The following LARGE1 variants were observed in gnomAD, a reference collection of about 807,000 sequenced individuals.
LARGE1 encodes the protein LARGE xylosyl- and glucuronyltransferase 1.
LARGE1 carries 43 observed loss-of-function variants against 87.6 expected under a neutral mutation model. The ratio of observed to expected loss-of-function variants is 0.49; its 90% CI spans 0.38 to 0.63. The LOEUF is 0.63. LARGE1 is among the 30% of genes least tolerant of loss of function. The pLI is 0.00. For synonymous variants in LARGE1, 434 were observed against 394.6 expected (o/e 1.10, Z -1.18); for missense variants, 802 against 1,000.2 (o/e 0.80, Z 2.67).
intron 6 of LARGE1, among the ~76,000 whole-genome samples, chr22:33,536,829 G>C (rs746924776): frequency 7.2e-5 from 11 of 152,146 alleles, no homozygotes; most frequent in Non-Finnish European, 1.3e-4. Flanking sequence ...CTTATTTTTT[G>C]AGACAGAGTT....
At chr22:33,693,006 T>C (rs1307125672) in intron 2 of LARGE1, among the ~76,000 whole-genome samples, 1 of 152,132 alleles carries the variant, frequency 6.6e-6, no homozygotes, top group African/African-American at 2.4e-5. Context: ...TAAATGTCCA[T>C]CATCAGTAGA....
chr22:33,907,215 C>T (rs990207230), intron 1 of LARGE1, among the ~76,000 whole-genome samples: 2 of 152,156 alleles, frequency 1.3e-5, no homozygotes, highest in African/African-American at 4.8e-5. Context: ...ATTTGCTAAG[C>T]AAACCTATTC....
intron 1 of LARGE1, among the ~76,000 whole-genome samples, chr22:33,777,033 C>T (rs188979425): frequency 4.6e-5 from 7 of 152,138 alleles, no homozygotes. Flanking sequence ...CAAACATGAA[C>T]ATAAGTTGGG....
chr22:33,617,905 G>C (rs141259445), intron 4 of LARGE1, among the ~76,000 whole-genome samples: 7 of 152,240 alleles, frequency 4.6e-5, no homozygotes, highest in African/African-American at 1.4e-4. Flanking sequence ...AAGAGGCAAA[G>C]ATGATTAAGC....
chr22:33,086,135 G>C, the LARGE1 span, among the ~76,000 whole-genome samples: 43 of 152,190 alleles, frequency 2.8e-4, no homozygotes, highest in African/African-American at 8.7e-4. Flanking sequence ...ATAGTACTTA[G>C]TGAAATGAAG....
At chr22:33,838,818 C>A (rs1378443741) in intron 1 of LARGE1, among the ~76,000 whole-genome samples, 1 of 152,090 alleles carries the variant, frequency 6.6e-6, no homozygotes, top group Admixed American at 6.5e-5. Flanking sequence ...CTGATTGTGT[C>A]TGCAGAATTA....
the LARGE1 span, among the ~76,000 whole-genome samples, chr22:33,135,243 G>A: frequency 1.3e-5 from 2 of 152,142 alleles, no homozygotes; most frequent in African/African-American, 4.8e-5. Context: ...GTAAGGCTGG[G>A]TTGGATGAGA....
chr22:33,502,751 T>C (rs2070530950), intron 6 of LARGE1, among the ~76,000 whole-genome samples: 1 of 152,086 alleles, frequency 6.6e-6, no homozygotes. Flanking sequence ...GTGTTTTTAG[T>C]AGAGACAAGG....
chr22:33,840,422 T>C (rs928235728), intron 1 of LARGE1, among the ~76,000 whole-genome samples: 1 of 152,218 alleles, frequency 6.6e-6, no homozygotes, highest in African/African-American at 2.4e-5. Flanking sequence ...CAACTCACTT[T>C]GGCAAAATAC....
intron 2 of LARGE1, among the ~76,000 whole-genome samples, chr22:33,698,374 C>T (rs978726179): frequency 1.3e-5 from 2 of 150,102 alleles, no homozygotes; most frequent in Non-Finnish European, 2.9e-5. Flanking sequence ...GATCTCTGCT[C>T]ACTGCAACCT....
chr22:33,364,350 T>C (rs113354542), intron 9 of LARGE1, among the ~76,000 whole-genome samples: 11,507 of 152,108 alleles, frequency 0.076, 511 homozygotes, highest in South Asian at 0.14. Flanking sequence ...AGCCACTGTG[T>C]CCGGCCTATT....
chr22:33,431,315 G>A (rs2067072739), intron 7 of LARGE1, among the ~76,000 whole-genome samples: 1 of 152,204 alleles, frequency 6.6e-6, no homozygotes, highest in South Asian at 2.1e-4. Context: ...GGGACAGCTG[G>A]TGAACAAGAA....
intron 7 of LARGE1, among the ~76,000 whole-genome samples, chr22:33,408,025 G>T (rs2066164743): frequency 6.7e-6 from 1 of 149,170 alleles, no homozygotes; most frequent in African/African-American, 2.5e-5. Flanking sequence ...CTGTCGCCCA[G>T]GCTGGAGTGC....
intron 11 of LARGE1, among the ~76,000 whole-genome samples, chr22:33,315,651 A>G (rs1036233855): frequency 6.6e-6 from 1 of 151,666 alleles, no homozygotes; most frequent in Non-Finnish European, 1.5e-5. Flanking sequence ...TTTTTTAAAG[A>G]TGGAGCCGTG....
intron 5 of LARGE1, among the ~76,000 whole-genome samples, chr22:33,591,081 A>G (rs1241013291): frequency 6.6e-6 from 1 of 152,170 alleles, no homozygotes; most frequent in Non-Finnish European, 1.5e-5. Flanking sequence ...GGTGCCTGTA[A>G]TTCCAGCTAT....
In LARGE1 at chr22:33,902,458, G is replaced by A. The variant is rs369330157; in HGVS notation, c.-83+17537C>T. The stretch of plus-strand genomic sequence containing the variant: ...AAGGACAATGCTACAATTCCAACAC[G>A]GCAGCACTGAGCCTAGGGAGGTGAA... On this transcript the variant is annotated intron_variant, in intron 1 of 14. Coordinates refer to ENST00000397394, the MANE Select transcript of LARGE1 (RefSeq NM_133642.5). Among the ~76,000 whole-genome samples, 96 of 152,240 alleles carry A rather than the reference G, an allele frequency of 6.3e-4. 3 individuals carry two copies. In the South Asian group the frequency reaches 7.9e-3, roughly 12 times the overall value.
At chr22:33,159,946 A>AC (rs970084001), downstream of LARGE1, among the ~76,000 whole-genome samples, 7 of 151,448 alleles carry the variant, frequency 4.6e-5, no homozygotes, top group South Asian at 8.4e-4. Context: ...AAAAAAAAAA[A>AC]AACACTCAAA....
intron 6 of LARGE1, among the ~76,000 whole-genome samples, chr22:33,460,014 A>G (rs1236052901): frequency 6.6e-6 from 1 of 152,254 alleles, no homozygotes; most frequent in Non-Finnish European, 1.5e-5. Context: ...CGACCTTGCT[A>G]CACACACAGT....
chr22:33,517,539 T>C (rs1227853153), intron 6 of LARGE1, among the ~76,000 whole-genome samples: 1 of 152,006 alleles, frequency 6.6e-6, no homozygotes, highest in Non-Finnish European at 1.5e-5. Flanking sequence ...CTGCCACCAA[T>C]ATTAGCAAAT....
Sources: allele counts gnomAD v4.1 joint callset (sites outside exome capture counted in the v4.1 genomes callset), GRCh38; gene constraint gnomAD v4.1.1; transcripts MANE v1.5; gene names NCBI Gene and HGNC (gene_info 2026-07-23, HGNC 2026-07-21).